The following ADAMTS3 variants were observed in gnomAD, a reference collection of about 807,000 sequenced individuals.
The protein encoded by ADAMTS3 is A disintegrin and metalloproteinase with thrombospondin motifs 3.
Under a neutral mutation model 129.0 loss-of-function variants are expected in ADAMTS3, and 73 were observed. The ratio of observed to expected loss-of-function variants is 0.57; its 90% CI spans 0.47 to 0.69. The LOEUF (loss-of-function observed/expected upper bound fraction) is 0.69, where lower values mean the gene tolerates loss of function less well. Ranked by LOEUF, ADAMTS3 falls within the 30% of genes least tolerant of loss-of-function variation. The pLI, the probability that ADAMTS3 is intolerant of heterozygous loss-of-function variation, is 0.00. For missense variants in ADAMTS3, 1,457 were observed against 1,514.5 expected (o/e 0.96, Z 0.63); for synonymous variants, 477 against 510.8 (o/e 0.93, Z 0.89).
intron 3 of ADAMTS3, 130 bp from the exon 4 acceptor site, chr4:72,415,101 T>G: frequency 5.2e-6 from 3 of 574,136 alleles, no homozygotes; most frequent in Non-Finnish European, 5.3e-6. Context: ...CATTTGGCCA[T>G]AACTTAAAAT....
intron 2 of ADAMTS3, among the ~76,000 whole-genome samples, chr4:72,564,673 T>G (rs982088008): frequency 6.6e-6 from 1 of 152,248 alleles, no homozygotes; most frequent in South Asian, 2.1e-4. Context: ...ATTATTCCAC[T>G]GGCTGAAGAG....
At chr4:72,370,330 C>T (rs1720972486) in intron 4 of ADAMTS3, among the ~76,000 whole-genome samples, 1 of 152,100 alleles carries the variant, frequency 6.6e-6, no homozygotes, top group East Asian at 1.9e-4. Context: ...TATCTCTTTT[C>T]CCTTCTCCCC....
chr4:72,367,777 G>A (rs1220274558), intron 4 of ADAMTS3, among the ~76,000 whole-genome samples: 1 of 151,762 alleles, frequency 6.6e-6, no homozygotes, highest in Non-Finnish European at 1.5e-5. Context: ...GTGAACCCGG[G>A]AGGCGGAGCT....
At chr4:72,296,112 T>G (rs1388192612) in intron 18 of ADAMTS3, among the ~76,000 whole-genome samples, 2 of 151,998 alleles carry the variant, frequency 1.3e-5, no homozygotes, top group African/African-American at 4.8e-5. Context: ...TAGAAAACTA[T>G]GTAAATAACT....
chr4:72,471,874 G>A (rs1012813117), intron 3 of ADAMTS3, among the ~76,000 whole-genome samples: 2 of 151,828 alleles, frequency 1.3e-5, no homozygotes, highest in African/African-American at 4.8e-5. Flanking sequence ...ATCTCTTTGA[G>A]GTCTTAAATA....
At chr4:72,430,170 A>T (rs956077200) in intron 3 of ADAMTS3, among the ~76,000 whole-genome samples, 1 of 151,742 alleles carries the variant, frequency 6.6e-6, no homozygotes, top group Non-Finnish European at 1.5e-5. Flanking sequence ...TGACCTTGGC[A>T]CTCCCTCATC....
chr4:72,285,931 G>T (rs1718494465), intron 21 of ADAMTS3, among the ~76,000 whole-genome samples: 1 of 152,044 alleles, frequency 6.6e-6, no homozygotes. Flanking sequence ...GTCTCAAAAG[G>T]CCATTTGATT....
At chr4:72,351,027 T>C (rs1720421507) in intron 4 of ADAMTS3, among the ~76,000 whole-genome samples, 1 of 151,944 alleles carries the variant, frequency 6.6e-6, no homozygotes, top group South Asian at 2.1e-4. Flanking sequence ...CCACCTGGGT[T>C]CCCCTTCCCT....
At chr4:72,365,580 C>G (rs1015380838) in intron 4 of ADAMTS3, among the ~76,000 whole-genome samples, 3 of 152,114 alleles carry the variant, frequency 2.0e-5, no homozygotes, top group Non-Finnish European at 4.4e-5. Context: ...CTAAGAGATG[C>G]TGTACACATC....
chr4:72,428,852 T>C (rs754621390), intron 3 of ADAMTS3, among the ~76,000 whole-genome samples: 3 of 152,050 alleles, frequency 2.0e-5, no homozygotes, highest in Non-Finnish European at 4.4e-5. Flanking sequence ...GACATGAATT[T>C]GAAAAGCTGC....
intron 4 of ADAMTS3, 92 bp from the exon 5 acceptor site, chr4:72,339,785 T>A: frequency 2.1e-6 from 2 of 951,424 alleles, no homozygotes; most frequent in Non-Finnish European, 3.3e-6. Flanking sequence ...CAGGGGCCTA[T>A]CAGTATCATT....
At chr4:72,360,748 C>T (rs1720701418) in intron 4 of ADAMTS3, among the ~76,000 whole-genome samples, 1 of 151,940 alleles carries the variant, frequency 6.6e-6, no homozygotes, top group South Asian at 2.1e-4. Context: ...TAATACTTTC[C>T]ATTTAAGCTA....
At chr4:72,307,166 A>G (rs942040772) in intron 15 of ADAMTS3, among the ~76,000 whole-genome samples, 5 of 152,008 alleles carry the variant, frequency 3.3e-5, no homozygotes, top group Non-Finnish European at 5.9e-5. Context: ...ATGTATAATA[A>G]TATACACCTA....
At chr4:72,305,255 A>T (rs993372937) in intron 16 of ADAMTS3, among the ~76,000 whole-genome samples, 8 of 152,094 alleles carry the variant, frequency 5.3e-5, no homozygotes, top group African/African-American at 1.9e-4. Flanking sequence ...TGGAAATTAT[A>T]ATCAGCTCTC....
At chr4:72,496,094 A>T (rs1213536203) in intron 3 of ADAMTS3, among the ~76,000 whole-genome samples, 3 of 152,150 alleles carry the variant, frequency 2.0e-5, no homozygotes, top group Admixed American at 2.0e-4. Context: ...AAATTATTAG[A>T]CTTTTCTCAG....
At chr4:72,561,705 A>G (rs1721909203) in intron 2 of ADAMTS3, among the ~76,000 whole-genome samples, 1 of 152,210 alleles carries the variant, frequency 6.6e-6, no homozygotes, top group Admixed American at 6.5e-5. Context: ...TACCTGAGGA[A>G]TCATATATTT....
intron 2 of ADAMTS3, among the ~76,000 whole-genome samples, chr4:72,560,122 T>A (rs1721867046): frequency 1.3e-5 from 2 of 151,558 alleles, no homozygotes; most frequent in East Asian, 3.9e-4. Context: ...GAGAACTGGC[T>A]AGTCATATGC....
intron 4 of ADAMTS3, among the ~76,000 whole-genome samples, chr4:72,379,436 TGA>T (rs74514308): frequency 2.8e-4 from 24 of 86,860 alleles, no homozygotes; most frequent in African/African-American, 9.5e-4. Flanking sequence ...ATAAACAGTT[TGA>T]AAAAAAAAAA....
At chr4:72,474,495 G>A (rs1387007873) in intron 3 of ADAMTS3, among the ~76,000 whole-genome samples, 2 of 151,970 alleles carry the variant, frequency 1.3e-5, no homozygotes, top group Middle Eastern at 3.2e-3. Flanking sequence ...CAGAATAGAT[G>A]TTATCTAATC....
Sources: allele counts gnomAD v4.1 joint callset (sites outside exome capture counted in the v4.1 genomes callset), GRCh38; gene constraint gnomAD v4.1.1; transcripts MANE v1.5; gene names NCBI Gene and HGNC (gene_info 2026-07-23, HGNC 2026-07-21).